VPS13B: variants seen among roughly 807,000 people sequenced by gnomAD.
VPS13B encodes the protein intermembrane lipid transfer protein VPS13B.
In VPS13B, 285 loss-of-function variants were observed where a neutral mutation model predicts 426.4. The ratio of observed to expected loss-of-function variants is 0.67; its 90% confidence interval spans 0.61 to 0.74. The LOEUF is 0.74. VPS13B is among the 30% of genes least tolerant of loss of function. VPS13B has a pLI of 0.00. For missense variants in VPS13B, 4,537 were observed against 4,782.6 expected, an observed-to-expected ratio of 0.95 and a Z score of 1.51; for synonymous variants, 1,676 against 1,676.4, an observed-to-expected ratio of 1.00 and a Z score of 0.01.
intron 52 of VPS13B, among the ~76,000 whole-genome samples, chr8:99,834,125 G>T (rs1056181700): frequency 1.3e-5 from 2 of 152,242 alleles, no homozygotes; most frequent in Non-Finnish European, 2.9e-5. Flanking sequence ...AAATGAGATG[G>T]ATGGCAAATG....
At chr8:99,451,467 T>C (rs563001849) in intron 23 of VPS13B, among the ~76,000 whole-genome samples, 62 of 152,330 alleles carry the variant, frequency 4.1e-4, no homozygotes, top group African/African-American at 1.5e-3. Flanking sequence ...GTGCAATAAA[T>C]AGTCCTTGGT....
chr8:99,337,487 C>T (rs999415854), intron 19 of VPS13B, among the ~76,000 whole-genome samples: 15 of 150,700 alleles, frequency 1.0e-4, no homozygotes, highest in Admixed American at 3.3e-4. Context: ...ACATTGTGCA[C>T]ATGTACCCTA....
chr8:99,182,670 T>C (rs961726165), intron 16 of VPS13B, among the ~76,000 whole-genome samples: 5 of 152,194 alleles, frequency 3.3e-5, no homozygotes, highest in Admixed American at 1.3e-4. Flanking sequence ...AGAGTAATGG[T>C]ATCCAGGTTT....
intron 19 of VPS13B, among the ~76,000 whole-genome samples, chr8:99,331,583 A>C (rs571940697): frequency 1.1e-4 from 17 of 151,836 alleles, no homozygotes; most frequent in Non-Finnish European, 1.3e-4. Flanking sequence ...AAAAAAATTA[A>C]AATATAACCT....
chr8:99,645,971 G>A (rs1458241143), intron 34 of VPS13B, among the ~76,000 whole-genome samples: 1 of 152,206 alleles, frequency 6.6e-6, no homozygotes, highest in South Asian at 2.1e-4. Flanking sequence ...AATATAAATG[G>A]CTATAATGCT....
chr8:99,542,413 G>A (rs1243891504), intron 30 of VPS13B, among the ~76,000 whole-genome samples: 2 of 152,196 alleles, frequency 1.3e-5, no homozygotes, highest in Admixed American at 6.5e-5. Flanking sequence ...AAATAGGTGA[G>A]ACTTTGAAGA....
chr8:99,818,075 G>A (rs1160084641), intron 45 of VPS13B, among the ~76,000 whole-genome samples: 1 of 152,094 alleles, frequency 6.6e-6, no homozygotes, highest in Non-Finnish European at 1.5e-5. Flanking sequence ...TTAGGGGTAG[G>A]GTGGGACTGT....
At position 99,796,029 on chromosome 8, in the gene VPS13B, C is replaced by T. The variant is rs185193992; in HGVS notation, c.7941+11553C>T. ...GCAAAAGGATCAGTAGCAGAATTTG[C>T]GAGTTGGGCTGTGAAATAGAATGTA... On this transcript the variant is annotated intron_variant, in intron 43 of 61. Transcript: ENST00000357162. Among the ~76,000 whole-genome samples, 234 of 151,996 alleles carry T rather than the reference C, an allele frequency of 1.5e-3. 1 individual carries two copies. Among genetic ancestry groups the T allele is most frequent in the Admixed American group, 4.3e-3 (65 of 15,264 alleles).
rs1258600855 is a variant in VPS13B at position 99,642,251 on chromosome 8, A to T, written c.5661A>T (p.Lys1887Asn). The T allele has an allele frequency of 6.2e-7, 1 of 1,614,172 alleles. No homozygotes were observed. Among genetic ancestry groups the T allele is most frequent in the Admixed American group, 1.7e-5 (1 of 60,014 alleles). The change falls in exon 34 of 62, where the codon AAA (lysine) becomes AAT (asparagine). Residue 1887 changes from lysine to asparagine, a missense_variant. Physicochemically the swap from Lys to Asn is moderately conservative, Grantham distance 94. Transcript: ENST00000357162. Reference sequence around the variant, plus strand: ...GCATTTCTTTTCCTTCAGGGAAAAAAATAGGGGTCCTCTCTCTTGAAAGTC... The same window carrying T: ...GCATTTCTTTTCCTTCAGGGAAAAATATAGGGGTCCTCTCTCTTGAAAGTC... ...RSSISFPSGK[K>N]IGVLSLESLH...
intron 3 of VPS13B, among the ~76,000 whole-genome samples, chr8:99,063,118 A>G (rs1183391331): frequency 1.3e-5 from 2 of 152,228 alleles, no homozygotes; most frequent in Non-Finnish European, 2.9e-5. Flanking sequence ...ATGGCCCAGT[A>G]GGAACAGCTC....
chr8:99,037,747 A>G (rs1317463904), intron 2 of VPS13B, among the ~76,000 whole-genome samples: 2 of 152,048 alleles, frequency 1.3e-5, no homozygotes, highest in African/African-American at 2.4e-5. Context: ...CTAACCTTTT[A>G]TCTAATGATA....
intron 19 of VPS13B, among the ~76,000 whole-genome samples, chr8:99,308,781 G>A (rs2133091337): frequency 6.6e-6 from 1 of 152,314 alleles, no homozygotes; most frequent in East Asian, 1.9e-4. Flanking sequence ...GGTTGAACTA[G>A]TTTACAGTGC....
intron 19 of VPS13B, among the ~76,000 whole-genome samples, chr8:99,296,981 A>C (rs1319001567): frequency 6.6e-6 from 1 of 152,096 alleles, no homozygotes; most frequent in Non-Finnish European, 1.5e-5. Context: ...GATAAACACC[A>C]ATTTAAGTAT....
At chr8:99,049,051 C>T (rs564794029) in intron 3 of VPS13B, among the ~76,000 whole-genome samples, 6 of 152,074 alleles carry the variant, frequency 3.9e-5, no homozygotes, top group Middle Eastern at 3.4e-3. Context: ...TTATGTGAGT[C>T]CTTATGTGGT....
At chr8:99,234,291 T>C in intron 17 of VPS13B, 1 of 762,052 alleles carries the variant, frequency 1.3e-6, no homozygotes, top group South Asian at 1.3e-5. Context: ...TCTGTGTCTG[T>C]GTTGACTTGT....
intron 31 of VPS13B, among the ~76,000 whole-genome samples, chr8:99,574,252 A>G (rs1461250515): frequency 6.6e-6 from 1 of 152,128 alleles, no homozygotes; most frequent in Non-Finnish European, 1.5e-5. Context: ...GCAAACGGGG[A>G]CAATATGACT....
At chr8:99,445,990 A>G (rs138689956) in intron 23 of VPS13B, among the ~76,000 whole-genome samples, 83 of 152,340 alleles carry the variant, frequency 5.4e-4, no homozygotes, top group African/African-American at 2.0e-3. Context: ...ACAGCCATAG[A>G]CAATATGTCA....
chr8:99,622,233 C>A, intron 33 of VPS13B, among the ~76,000 whole-genome samples: 1 of 152,266 alleles, frequency 6.6e-6, no homozygotes, highest in East Asian at 1.9e-4. Flanking sequence ...TAATCTCACA[C>A]CATCCCTGTA....
In VPS13B at chr8:99,057,394, T is replaced by C. The variant is rs541544977; in HGVS notation, c.291+18828T>C. Among the ~76,000 whole-genome samples, 13 of 152,288 alleles carry C rather than the reference T, an allele frequency of 8.5e-5. No individual in the cohort carries two copies. The South Asian group carries it at 2.1e-3, about 24-fold the overall frequency. ...CCTTTGCCATTTAATACTTGTCATC[T>C]CTTTCCAAAAACTTCACTTTCTTGG... On this transcript the variant is annotated intron_variant, in intron 3 of 61. Coordinates refer to ENST00000357162, the MANE Select transcript of VPS13B (RefSeq NM_152564.5).
Sources: gnomAD v4.1 joint callset for allele counts (sites outside exome capture counted in the v4.1 genomes callset) on GRCh38, gnomAD v4.1.1 for gene constraint, MANE v1.5 for transcripts, NCBI Gene and HGNC (gene_info 2026-07-23, HGNC 2026-07-21) for gene names.